The following TMTC4 variants were observed in gnomAD, a reference collection of about 807,000 sequenced individuals.
The protein encoded by TMTC4 is transmembrane O-mannosyltransferase targeting cadherins 4.
Under a neutral mutation model 86.0 loss-of-function variants are expected in TMTC4, and 65 were observed. The ratio of observed to expected loss-of-function variants is 0.76; its 90% CI spans 0.62 to 0.93. The LOEUF (loss-of-function observed/expected upper bound fraction) is 0.93, where lower values mean the gene tolerates loss of function less well. Among genes scored for constraint, TMTC4 ranks in the 40% least tolerant of loss-of-function variants. The pLI is 0.00. For missense variants in TMTC4, 866 were observed against 948.1 expected, an observed-to-expected ratio of 0.91 and a Z score of 1.14; for synonymous variants, 379 against 382.5, an observed-to-expected ratio of 0.99 and a Z score of 0.11.
chr13:100,670,917 G>C (rs1157381035), intron 1 of TMTC4, among the ~76,000 whole-genome samples: 1 of 152,236 alleles, frequency 6.6e-6, no homozygotes, highest in East Asian at 1.9e-4. Context: ...TCACACCTCG[G>C]CTCTACAGCA....
chr13:100,611,426 A>G (rs1877553834), intron 17 of TMTC4, among the ~76,000 whole-genome samples: 1 of 152,180 alleles, frequency 6.6e-6, no homozygotes, highest in Admixed American at 6.5e-5. Flanking sequence ...TCTTCTAAAA[A>G]TACAAAACAT....
intron 12 of TMTC4, 79 bp downstream of exon 12, chr13:100,634,726 G>C (rs1594295147): frequency 1.6e-5 from 24 of 1,521,810 alleles, no homozygotes; most frequent in Non-Finnish European, 2.1e-5. Context: ...CTGCGCGACA[G>C]GAAATGTTCT....
intron 1 of TMTC4, among the ~76,000 whole-genome samples, chr13:100,672,876 C>T (rs774185597): frequency 2.0e-5 from 3 of 152,104 alleles, no homozygotes; most frequent in South Asian, 2.1e-4. Context: ...ACTTTCTGGT[C>T]CCTCTTCTCC....
At chr13:100,674,651 C>T in intron 1 of TMTC4, 93 bp downstream of exon 1, 2 of 982,828 alleles carry the variant, frequency 2.0e-6, no homozygotes, top group South Asian at 4.7e-5. Flanking sequence ...GGGCTCGGGA[C>T]ACGGCGGCAG....
intron 1 of TMTC4, among the ~76,000 whole-genome samples, chr13:100,670,890 G>C (rs1460384388): frequency 6.6e-6 from 1 of 152,230 alleles, no homozygotes; most frequent in Non-Finnish European, 1.5e-5. Context: ...GGAGTTCCAG[G>C]CTGCAGTGAG....
chr13:100,674,852 C>G (rs1421204044), upstream of TMTC4: 1 of 974,406 alleles, frequency 1.0e-6, no homozygotes, highest in African/African-American at 1.8e-5. Context: ...CGCCGCGCAC[C>G]CGACCCCCCC....
rs1876161719 is a variant in TMTC4 at position 100,603,675 on chromosome 13, C to T, written c.*1319G>A. Reference sequence around the variant, plus strand: ...GATACATTTCAAACACCAGAAGTTACAATCACTGACTGAAACACTACACAG... The same window carrying T: ...GATACATTTCAAACACCAGAAGTTATAATCACTGACTGAAACACTACACAG... On this transcript the variant is annotated 3_prime_UTR_variant, in exon 19 of 19. Transcript: ENST00000342624. 6.6e-6 allele frequency among the ~76,000 whole-genome samples: 1 copy of T among 152,090 alleles called. No individual in the cohort carries two copies. The highest frequency in any genetic ancestry group is 2.4e-5 in the African/African-American group (1 of 41,414).
At chr13:100,631,212 T>G (rs532642636) in intron 12 of TMTC4, among the ~76,000 whole-genome samples, 1 of 152,322 alleles carries the variant, frequency 6.6e-6, no homozygotes, top group South Asian at 2.1e-4. Context: ...TACAACCCAG[T>G]AACATGTAAA....
intron 6 of TMTC4, among the ~76,000 whole-genome samples, chr13:100,648,319 A>C (rs957094843): frequency 7.9e-5 from 12 of 152,138 alleles, no homozygotes; most frequent in African/African-American, 2.9e-4. Context: ...CGATTTTGGA[A>C]GCTTAGTATG....
chr13:100,621,189 G>A (rs868354575), intron 15 of TMTC4, among the ~76,000 whole-genome samples: 11 of 152,160 alleles, frequency 7.2e-5, no homozygotes, highest in African/African-American at 2.4e-4. Context: ...TATATTCTCC[G>A]TTCCTCCCTT....
chr13:100,663,676 A>T (rs1886070642), intron 4 of TMTC4, among the ~76,000 whole-genome samples: 1 of 152,158 alleles, frequency 6.6e-6, no homozygotes, highest in African/African-American at 2.4e-5. Context: ...ACTGCTTCTC[A>T]GCTGCTGGTG....
In TMTC4 at chr13:100,625,557, C is replaced by A. The variant is rs1880355957; in HGVS notation, c.1814G>T (p.Cys605Phe). The A allele has an allele frequency of 6.2e-6, 10 of 1,614,138 alleles. No individual in the cohort carries two copies. The highest frequency in any genetic ancestry group is 8.5e-6 in the Non-Finnish European group (10 of 1,180,038). Residue 605 changes from cysteine (C) to phenylalanine (F), a missense_variant, in exon 15 of 19, where the codon TGT (cysteine) becomes TTT (phenylalanine). Cys to Phe is a radical substitution (Grantham distance 205, BLOSUM62 -2). Coordinates refer to ENST00000342624, the MANE Select transcript of TMTC4 (RefSeq NM_032813.5). ...TACCAGACGCCCGAGGTTGTAGTAA[C>A]AGTCTGGGTATTTCCTTCTGTGTTT... ...AIKHRRKYPD[C>F]YYNLGRLYAD...
At chr13:100,649,845 T>A (rs979902091) in intron 6 of TMTC4, among the ~76,000 whole-genome samples, 1 of 151,934 alleles carries the variant, frequency 6.6e-6, no homozygotes, top group Admixed American at 6.5e-5. Context: ...ATTTTCATTT[T>A]AAATTTAGAA....
chr13:100,611,328 G>A (rs1455825127), intron 17 of TMTC4, among the ~76,000 whole-genome samples: 2 of 152,130 alleles, frequency 1.3e-5, no homozygotes, highest in Admixed American at 6.5e-5. Context: ...GCTCATGCCT[G>A]TAATCTCAGC....
intron 6 of TMTC4, among the ~76,000 whole-genome samples, chr13:100,643,933 C>T (rs764135280): frequency 6.6e-6 from 1 of 152,094 alleles, no homozygotes; most frequent in Non-Finnish European, 1.5e-5. Flanking sequence ...ATTAAACTGC[C>T]TGCTGGGGAA....
rs912282268 is a variant in TMTC4 at position 100,668,641 on chromosome 13, A to C, written c.157T>G (p.Phe53Val). 6.2e-7 allele frequency: 1 copy of C among 1,614,098 alleles called. No individual in the cohort carries two copies. The highest frequency in any genetic ancestry group is 8.5e-7 in the Non-Finnish European group (1 of 1,180,058). Residue 53 changes from phenylalanine to valine, a missense_variant, in exon 3 of 19, where the codon TTT becomes GTT. Coordinates refer to ENST00000342624, the MANE Select transcript of TMTC4 (RefSeq NM_032813.5). ...AAGTCTCCATCATAGCTGCGTGCAA[A>C]ACACACAATGGCAACCGATCCCACT... is the stretch of plus-strand genomic sequence containing the variant. ...LVVGSVAIVCFARSYDGDFVF... is the reference protein window; with the variant it reads ...LVVGSVAIVCVARSYDGDFVF...
intron 6 of TMTC4, among the ~76,000 whole-genome samples, chr13:100,651,433 T>C (rs1213318176): frequency 6.7e-6 from 1 of 149,968 alleles, no homozygotes; most frequent in African/African-American, 2.5e-5. Flanking sequence ...GCTTCCTTTA[T>C]GAGGACATCT....
chr13:100,634,994 T>C, intron 11 of TMTC4, 30 bp downstream of exon 11: 1 of 1,609,320 alleles, frequency 6.2e-7, no homozygotes, highest in East Asian at 2.2e-5. Context: ...GTCATTCTGT[T>C]CATCAGCTGG....
rs1886952973 is a variant in TMTC4 at position 100,670,511 on chromosome 13, C to A, written c.-149G>T. The A allele has an allele frequency of 1.5e-6, 1 of 656,780 alleles. No homozygotes were observed. The highest frequency in any genetic ancestry group is 3.2e-5 in the East Asian group (1 of 31,242). 40.7% of individuals were successfully genotyped at this position (656,780 alleles called of 1,614,324 possible). On this transcript the variant is annotated 5_prime_UTR_variant, in exon 2 of 19. Coordinates refer to ENST00000342624, the MANE Select transcript of TMTC4 (RefSeq NM_032813.5). ...GCTCTCAGCAAGTGCTGGGGGAATA[C>A]TGCAGCTACTTTTCTTTTCCAGTCA...
Sources: allele counts gnomAD v4.1 joint callset (sites outside exome capture counted in the v4.1 genomes callset), GRCh38; gene constraint gnomAD v4.1.1; transcripts MANE v1.5; gene names NCBI Gene and HGNC (gene_info 2026-07-23, HGNC 2026-07-21).